Variants in ACKR4 observed in about 807,000 individuals in gnomAD.
ACKR4 encodes the protein C-C CKR-11.
In ACKR4, 2 loss-of-function variants were observed where a neutral mutation model predicts 8.5. The observed-to-expected ratio is 0.23, with a 90% CI of 0.10 to 0.74. The LOEUF (loss-of-function observed/expected upper bound fraction) is 0.74. ACKR4 is among the 30% of genes least tolerant of loss of function. The pLI, the probability that ACKR4 is intolerant of heterozygous loss-of-function variation, is 0.75. For missense variants in ACKR4, 167 were observed against 422.1 expected (o/e 0.40, Z 5.30); for synonymous variants, 67 against 145.0 (o/e 0.46, Z 3.86).
intron 1 of ACKR4, among the ~76,000 whole-genome samples, chr3:132,599,043 T>C (rs1241260335): frequency 6.6e-6 from 1 of 152,168 alleles, no homozygotes; most frequent in Non-Finnish European, 1.5e-5. Flanking sequence ...CCAGGTGCAG[T>C]GGCTCATGCC....
intron 1 of ACKR4, among the ~76,000 whole-genome samples, chr3:132,599,208 G>C (rs1426066798): frequency 1.3e-5 from 2 of 151,858 alleles, no homozygotes; most frequent in African/African-American, 4.8e-5. Context: ...TAAATAAATG[G>C]ATTAAAATTT....
intron 1 of ACKR4, 120 bp from the exon 2 acceptor site, chr3:132,600,269 C>T (rs982702990): frequency 7.2e-6 from 6 of 833,020 alleles, no homozygotes; most frequent in Non-Finnish European, 1.1e-5. Context: ...TAGATTCAGG[C>T]TCACATATGT....
chr3:132,601,332 A>AGTG lies in ACKR4; in HGVS notation c.935_936insGTG (p.Asn312delinsLysCys), dbSNP rs768327361. On this transcript the variant is annotated protein_altering_variant, in exon 2 of 2. Transcript: ENST00000249887. Reference sequence around the variant, plus strand: ...GTTTTTATGGGAGCATCTTTCAAAAACTACGTTATGAAAGTGGCCAAGAAA... The same window carrying AGTG: ...GTTTTTATGGGAGCATCTTTCAAAAAGTGCTACGTTATGAAAGTGGCCAAGAAA... The AGTG allele has an allele frequency of 6.2e-7, 1 of 1,613,244 alleles. No individual in the cohort carries two copies. The highest frequency in any genetic ancestry group is 8.5e-7 in the Non-Finnish European group (1 of 1,179,688).
rs775986163 is a variant in ACKR4, at chr3:132,601,053, G to A, written c.656G>A (p.Cys219Tyr). The A allele has an allele frequency of 8.7e-6, 14 of 1,613,976 alleles. No individual in the cohort carries two copies. In the South Asian group the frequency reaches 1.2e-4, roughly 14 times the overall value. ...FVVPFLIMGV[C>Y]YFITARTLMK... is the part of the protein sequence containing the mutation. ...GTACCCTTTCTTATTATGGGGGTGTGCTACTTTATCACAGCAAGGACACTC... is the reference window on the plus strand; with the variant it reads ...GTACCCTTTCTTATTATGGGGGTGTACTACTTTATCACAGCAAGGACACTC... Residue 219 changes from cysteine to tyrosine, a missense_variant, in exon 2 of 2, where the codon TGC becomes TAC. This residue lies in a region of ACKR4 where 149 missense variants were observed against 281.9 expected (regional missense o/e 0.53). Coordinates refer to ENST00000249887, the MANE Select transcript of ACKR4 (RefSeq NM_016557.4).
Position 132,602,246 on chromosome 3 carries a change from G to A in ACKR4, c.*796G>A, listed in dbSNP as rs79521265. ...TCTGATTCTTTTCAAAACATTCCTGGTAAGTTCCTAAAGACATAATTTGCT... is the reference window on the plus strand; with the variant it reads ...TCTGATTCTTTTCAAAACATTCCTGATAAGTTCCTAAAGACATAATTTGCT... On this transcript the variant is annotated 3_prime_UTR_variant, in exon 2 of 2. Coordinates refer to ENST00000249887, the MANE Select transcript of ACKR4 (RefSeq NM_016557.4). 10,645 of 165,906 alleles carry A rather than the reference G, an allele frequency of 0.064. 445 individuals are homozygous for A. The highest frequency in any genetic ancestry group is 0.092 in the Middle Eastern group (27 of 292). The allele number at this position is 165,906 out of a possible 1,614,324, so 10.3% of individuals were successfully genotyped here. A position where few individuals can be genotyped will look rare whatever the true frequency, so the allele number is the denominator to read the frequency against.
At chr3:132,599,015 T>TAGAA (rs1044731262) in intron 1 of ACKR4, among the ~76,000 whole-genome samples, 5 of 152,126 alleles carry the variant, frequency 3.3e-5, no homozygotes, top group Non-Finnish European at 7.4e-5. Flanking sequence ...GGCTATCAGT[T>TAGAA]AGAAAGATAC....
chr3:132,598,933 T>G (rs1468923404), intron 1 of ACKR4, among the ~76,000 whole-genome samples: 1 of 152,162 alleles, frequency 6.6e-6, no homozygotes. Flanking sequence ...ATTGGCAATT[T>G]AGAGATCAAA....
intron 1 of ACKR4, 41 bp from the exon 2 acceptor site, chr3:132,600,348 A>G: frequency 6.8e-7 from 1 of 1,468,776 alleles, no homozygotes; most frequent in African/African-American, 1.4e-5. Flanking sequence ...TTTTAAGCAT[A>G]TTTAGACAAA....
intron 1 of ACKR4, among the ~76,000 whole-genome samples, chr3:132,598,320 A>G (rs1379803561): frequency 1.3e-5 from 2 of 152,228 alleles, no homozygotes; most frequent in Non-Finnish European, 2.9e-5. Flanking sequence ...AACATAGTGC[A>G]ATAACAATGT....
chr3:132,600,347 T>C, intron 1 of ACKR4, 42 bp from the exon 2 acceptor site: 1 of 1,463,108 alleles, frequency 6.8e-7, no homozygotes, highest in Admixed American at 2.4e-5. Flanking sequence ...CTTTTAAGCA[T>C]ATTTAGACAA....
At chr3:132,600,360 A>G (rs1452237453) in intron 1 of ACKR4, 29 bp from the exon 2 acceptor site, 2 of 1,506,808 alleles carry the variant, frequency 1.3e-6, no homozygotes, top group Non-Finnish European at 1.8e-6. Context: ...TTAGACAAAT[A>G]TCTATCCTGT....
rs1290779801 is a variant in ACKR4, at chr3:132,600,824, A to G, written c.427A>G (p.Lys143Glu). 1 of 1,614,050 alleles carries G rather than the reference A, an allele frequency of 6.2e-7. No homozygotes were observed. Among genetic ancestry groups the G allele is most frequent in the Non-Finnish European group, 8.5e-7 (1 of 1,179,876 alleles). Residue 143 changes from lysine (K) to glutamate (E), a missense_variant, in exon 2 of 2, where the codon AAA (lysine) becomes GAA (glutamate). Around this residue, in one of 2 missense-constraint regions of ACKR4, gnomAD observed 149 missense variants for 281.9 expected, o/e 0.53. Coordinates refer to ENST00000249887, the MANE Select transcript of ACKR4 (RefSeq NM_016557.4). ...CATAGACAGATATGTGGCAGTAACT[A>G]AAGTCCCCAGCCAATCAGGAGTGGG... ...ISIDRYVAVT[K>E]VPSQSGVGKP... is the part of the protein sequence containing the mutation.
At chr3:132,598,143 T>G (rs1216589821) in intron 1 of ACKR4, among the ~76,000 whole-genome samples, 1 of 152,158 alleles carries the variant, frequency 6.6e-6, no homozygotes, top group Non-Finnish European at 1.5e-5. Flanking sequence ...TAAGAATATT[T>G]GAGATACTTC....
chr3:132,598,848 C>G lies in ACKR4; in HGVS notation c.-10+1525C>G, dbSNP rs146429768. ...TATGAAGGGAGCCTTGGGTGTTATG[C>G]TAAGGAGCTTGGATTGTGGCTTTCA... On this transcript the variant is annotated intron_variant, in intron 1 of 1. Transcript: ENST00000249887. Among the ~76,000 whole-genome samples the G allele has an allele frequency of 1.6e-3, 245 of 152,276 alleles. 1 individual carries two copies. Among genetic ancestry groups the G allele is most frequent in the African/African-American group, 5.6e-3 (232 of 41,564 alleles).
intron 1 of ACKR4, among the ~76,000 whole-genome samples, chr3:132,599,351 G>T (rs1418408268): frequency 6.6e-6 from 1 of 151,374 alleles, no homozygotes; most frequent in Non-Finnish European, 1.5e-5. Flanking sequence ...ACTAAAAATA[G>T]AAAAAATTAG....
Position 132,600,592 on chromosome 3 carries a change from T to C in ACKR4, c.195T>C (p.Ile65=). 1.2e-6 allele frequency: 2 copies of C among 1,613,908 alleles called. No homozygotes were observed. Among genetic ancestry groups the C allele is most frequent in the Middle Eastern group, 1.7e-4 (1 of 6,056 alleles). ...GLAGNSMVVA[I]YAYYKKQRTK... is the part of the protein sequence containing the mutation. ...CAGGCAATTCCATGGTAGTGGCAATTTATGCCTATTACAAGAAACAGAGAA... is the reference window on the plus strand; with the variant it reads ...CAGGCAATTCCATGGTAGTGGCAATCTATGCCTATTACAAGAAACAGAGAA... The change falls in exon 2 of 2, where the codon ATT becomes ATC. Residue 65 remains isoleucine, a synonymous_variant. Transcript: ENST00000249887.
At chr3:132,598,476 TC>T (rs1331772307) in intron 1 of ACKR4, among the ~76,000 whole-genome samples, 1 of 152,272 alleles carries the variant, frequency 6.6e-6, no homozygotes, top group East Asian at 1.9e-4. Context: ...CAAACACAAA[TC>T]AAATAGGTCA....
rs78815108 is a variant in ACKR4, at chr3:132,601,958, T to TAA, written c.*516_*517dup. 2.3e-3 allele frequency: 397 copies of TAA among 175,052 alleles called. 2 individuals carry two copies. The highest frequency in any genetic ancestry group is 8.6e-3 in the African/African-American group (354 of 41,118). 10.8% of individuals were successfully genotyped at this position (175,052 alleles called of 1,614,324 possible). A position where few individuals can be genotyped will look rare whatever the true frequency, so the allele number is the denominator to read the frequency against. On this transcript the variant is annotated 3_prime_UTR_variant, in exon 2 of 2. Transcript: ENST00000249887. ...ATAATAATTTCAAAATAAAACAAGT[T>TAA]AAAAAAAAACCCACTATGCTATAAG...
chr3:132,599,249 TG>T (rs1484400395), intron 1 of ACKR4, among the ~76,000 whole-genome samples: 6 of 152,168 alleles, frequency 3.9e-5, no homozygotes, highest in Admixed American at 1.3e-4. Flanking sequence ...GGCTCACGCC[TG>T]TAATCCCAGC....
Sources: gnomAD v4.1 joint callset for allele counts (sites outside exome capture counted in the v4.1 genomes callset) on GRCh38, gnomAD v4.1.1 for gene constraint, gnomAD v4.1.1 regional missense constraint, MANE v1.5 for transcripts, NCBI Gene and HGNC (gene_info 2026-07-23, HGNC 2026-07-21) for gene names.